Variants in GPC5 observed in about 807,000 individuals in gnomAD.
GPC5 encodes glypican 5, also known as glypican-5.
Under a neutral mutation model 53.9 loss-of-function variants are expected in GPC5, and 47 were observed. That is an observed-to-expected ratio of 0.87 (90% CI 0.69 to 1.11). GPC5 has a LOEUF of 1.11. GPC5 is among the 50% of genes most tolerant of loss of function. The probability of loss-of-function intolerance (pLI) is 0.00; values close to 1 mark genes in which losing one functional copy is unlikely to be tolerated. For synonymous variants in GPC5, 286 were observed against 263.3 expected, an observed-to-expected ratio of 1.09 and a Z score of -0.84; for missense variants, 748 against 713.1, an observed-to-expected ratio of 1.05 and a Z score of -0.56.
intron 7 of GPC5, among the ~76,000 whole-genome samples, chr13:92,681,885 T>C (rs143336327): frequency 6.6e-6 from 1 of 152,324 alleles, no homozygotes; most frequent in East Asian, 1.9e-4. Flanking sequence ...AGTGACCTTC[T>C]TAGGACAAAT....
intron 7 of GPC5, among the ~76,000 whole-genome samples, chr13:92,319,187 T>A (rs917075196): frequency 6.6e-6 from 1 of 152,192 alleles, no homozygotes; most frequent in Non-Finnish European, 1.5e-5. Flanking sequence ...AAATAATATC[T>A]GTTGTATTTC....
At chr13:92,130,269 A>G (rs1227593980) in intron 6 of GPC5, among the ~76,000 whole-genome samples, 1 of 152,070 alleles carries the variant, frequency 6.6e-6, no homozygotes, top group Non-Finnish European at 1.5e-5. Flanking sequence ...ATACTAAGGA[A>G]AGTTCTTCGG....
intron 6 of GPC5, among the ~76,000 whole-genome samples, chr13:91,926,480 A>G (rs544128458): frequency 6.6e-6 from 1 of 152,010 alleles, no homozygotes; most frequent in Non-Finnish European, 1.5e-5. Context: ...CTTGACTAGC[A>G]TTGGCTTGAA....
At chr13:92,003,537 A>G (rs1810686242) in intron 6 of GPC5, among the ~76,000 whole-genome samples, 1 of 152,130 alleles carries the variant, frequency 6.6e-6, no homozygotes, top group Non-Finnish European at 1.5e-5. Flanking sequence ...GAACCCAAAT[A>G]TAACATTTAA....
At chr13:92,040,334 G>A (rs1465270513) in intron 6 of GPC5, among the ~76,000 whole-genome samples, 6 of 152,278 alleles carry the variant, frequency 3.9e-5, no homozygotes, top group African/African-American at 1.4e-4. Context: ...TGAGTGACTG[G>A]GGTGTGTGTG....
intron 7 of GPC5, among the ~76,000 whole-genome samples, chr13:92,304,503 C>T (rs1179661384): frequency 1.3e-5 from 2 of 152,064 alleles, no homozygotes; most frequent in Non-Finnish European, 2.9e-5. Flanking sequence ...TGCACTCCAC[C>T]CTCATTTACT....
chr13:92,466,618 A>G (rs1412218964), intron 7 of GPC5, among the ~76,000 whole-genome samples: 1 of 152,084 alleles, frequency 6.6e-6, no homozygotes, highest in Non-Finnish European at 1.5e-5. Context: ...TGTGCATTTT[A>G]TAGAAGCTAT....
chr13:91,965,286 AG>A, intron 6 of GPC5, among the ~76,000 whole-genome samples: 1 of 152,266 alleles, frequency 6.6e-6, no homozygotes, highest in African/African-American at 2.4e-5. Context: ...AATAATTGTT[AG>A]CTATTCCTTC....
chr13:92,039,710 G>T (rs2040926953), intron 6 of GPC5, among the ~76,000 whole-genome samples: 2 of 152,070 alleles, frequency 1.3e-5, no homozygotes, highest in Non-Finnish European at 1.5e-5. Context: ...TCGCTCCTTG[G>T]CTCACAATGA....
intron 7 of GPC5, among the ~76,000 whole-genome samples, chr13:92,596,864 C>A (rs909663013): frequency 6.6e-6 from 1 of 152,024 alleles, no homozygotes; most frequent in Admixed American, 6.6e-5. Context: ...TGTTTAGTGA[C>A]GACATTAAAA....
chr13:92,562,104 G>A (rs1278651454), intron 7 of GPC5, among the ~76,000 whole-genome samples: 1 of 151,974 alleles, frequency 6.6e-6, no homozygotes, highest in Admixed American at 6.6e-5. Context: ...ATTCCCCATG[G>A]TGCCTTCAAA....
chr13:91,874,500 G>C (rs2039181207), intron 5 of GPC5, among the ~76,000 whole-genome samples: 1 of 151,788 alleles, frequency 6.6e-6, no homozygotes, highest in African/African-American at 2.4e-5. Flanking sequence ...TTTTAATTTG[G>C]CCTACCAAAA....
chr13:92,537,631 A>G (rs1384362138), intron 7 of GPC5, among the ~76,000 whole-genome samples: 4 of 152,116 alleles, frequency 2.6e-5, no homozygotes, highest in African/African-American at 7.2e-5. Flanking sequence ...CTAGTACATT[A>G]CAGCTCTCCC....
chr13:92,581,186 A>T lies in GPC5; in HGVS notation c.1562-285096A>T, dbSNP rs188072356. On this transcript the variant is annotated intron_variant, in intron 7 of 7. Coordinates refer to ENST00000377067, the MANE Select transcript of GPC5 (RefSeq NM_004466.6). ...GCTCTTGAACTTACTTCCCCTGTCT[A>T]ACTGAAATTTTCTGTCTTTTCACCC... Among the ~76,000 whole-genome samples the T allele has an allele frequency of 1.0e-3, 153 of 152,214 alleles. 4 individuals are homozygous for T. The South Asian group carries it at 0.013, about 13-fold the overall frequency.
chr13:92,422,974 G>A (rs1340612500), intron 7 of GPC5, among the ~76,000 whole-genome samples: 1 of 152,172 alleles, frequency 6.6e-6, no homozygotes, highest in African/African-American at 2.4e-5. Flanking sequence ...AGACTAGACA[G>A]CTTATAAACA....
rs191027807 is a variant in GPC5, at chr13:91,669,620, C to T, written c.326-23567C>T. On this transcript the variant is annotated intron_variant, in intron 2 of 7. Transcript: ENST00000377067. The stretch of plus-strand genomic sequence containing the variant: ...TAACAGCTGAAATGGCAGGGTAGAA[C>T]TTAGGAAAGAGGTATATCAAAACTG... Among the ~76,000 whole-genome samples, 305 of 152,136 alleles carry T rather than the reference C, an allele frequency of 2.0e-3. 1 individual carries two copies. Among genetic ancestry groups the T allele is most frequent in the South Asian group, 3.7e-3 (18 of 4,822 alleles).
intron 6 of GPC5, among the ~76,000 whole-genome samples, chr13:92,062,612 T>C (rs1465614713): frequency 2.0e-5 from 3 of 152,050 alleles, no homozygotes; most frequent in East Asian, 1.9e-4. Context: ...TAATTGAATA[T>C]GCATAATGGC....
chr13:92,567,147 C>T (rs911286120), intron 7 of GPC5, among the ~76,000 whole-genome samples: 5 of 152,042 alleles, frequency 3.3e-5, no homozygotes, highest in African/African-American at 1.2e-4. Context: ...CAGTTATTTC[C>T]TTAAAGGCCA....
chr13:91,597,879 T>A (rs1235092647), intron 2 of GPC5, among the ~76,000 whole-genome samples: 3 of 151,618 alleles, frequency 2.0e-5, no homozygotes, highest in Non-Finnish European at 4.4e-5. Flanking sequence ...AGAGATTTTA[T>A]TTACTTGAAT....
Sources: gnomAD v4.1 joint callset for allele counts (sites outside exome capture counted in the v4.1 genomes callset) on GRCh38, gnomAD v4.1.1 for gene constraint, MANE v1.5 for transcripts, NCBI Gene and HGNC (gene_info 2026-07-23, HGNC 2026-07-21) for gene names.